The following FCSK variants were observed in gnomAD, a reference collection of about 807,000 sequenced individuals.
FCSK encodes fucose kinase, also known as L-fucose kinase.
Under a neutral mutation model 122.5 loss-of-function variants are expected in FCSK, and 123 were observed. That is an observed-to-expected ratio of 1.00 (90% CI 0.87 to 1.17). The LOEUF is 1.17. Among genes scored for constraint, FCSK ranks in the 50% most tolerant of loss-of-function variants. The pLI is 0.00. For missense variants in FCSK, 1,366 were observed against 1,450.4 expected, an observed-to-expected ratio of 0.94 and a Z score of 0.95; for synonymous variants, 620 against 625.5, an observed-to-expected ratio of 0.99 and a Z score of 0.13.
At position 70,480,216 on chromosome 16, in the gene FCSK, C is replaced by T. The variant is rs2048951805; in HGVS notation, c.*536C>T. On this transcript the variant is annotated 3_prime_UTR_variant, in exon 24 of 24. Transcript: ENST00000288078. ...CGGAGCGTGCCAAGTGACCTGGTGC[C>T]TGTGGGAAGTGGGTTCTCAGGACTG... 6.5e-6 allele frequency: 1 copy of T among 153,628 alleles called. No individual in the cohort carries two copies. 9.5% of individuals were successfully genotyped at this position (153,628 alleles called of 1,614,324 possible).
intron 5 of FCSK, chr16:70,466,493 G>T: frequency 1.9e-6 from 1 of 522,720 alleles, no homozygotes; most frequent in South Asian, 2.5e-5. Context: ...AAGAGTTCAT[G>T]ACCAGCCTGG....
intron 1 of FCSK, among the ~76,000 whole-genome samples, chr16:70,460,072 T>C (rs2048214781): frequency 6.6e-6 from 1 of 151,412 alleles, no homozygotes; most frequent in South Asian, 2.1e-4. Flanking sequence ...GTGCTCGGAT[T>C]ATAGGCGTGA....
At chr16:70,475,556 C>T in intron 19 of FCSK, 63 bp downstream of exon 19, 5 of 1,588,726 alleles carry the variant, frequency 3.1e-6, no homozygotes, top group East Asian at 2.2e-5. Flanking sequence ...TGCCTGTGAT[C>T]CCCCTTCCTG....
intron 5 of FCSK, 116 bp downstream of exon 5, chr16:70,466,373 T>A: frequency 7.6e-7 from 1 of 1,319,226 alleles, no homozygotes; most frequent in Non-Finnish European, 1.0e-6. Context: ...GTTTTGAGGG[T>A]GCCTAATGTT....
rs771003295 is a variant in FCSK, at chr16:70,479,607, T to C, written c.3182T>C (p.Val1061Ala). ...EGLGNYSIHL[V>A]EVDTQGLSLK... ...CTTGGGAATTACAGCATCCACCTGG[T>C]TGAAGTGGACACTCAGGGCCTGAGC... Residue 1061 changes from valine to alanine, a missense_variant, in exon 24 of 24, where the codon GTT (valine) becomes GCT (alanine). Val to Ala is a moderately conservative substitution (Grantham distance 64). Coordinates refer to ENST00000288078, the MANE Select transcript of FCSK (RefSeq NM_145059.3). 17 of 1,613,950 alleles carry C rather than the reference T, an allele frequency of 1.1e-5. No individual in the cohort carries two copies. The East Asian group carries it at 1.3e-4, about 13-fold the overall frequency.
At chr16:70,456,896 T>C (rs2048108147) in intron 1 of FCSK, among the ~76,000 whole-genome samples, 1 of 152,068 alleles carries the variant, frequency 6.6e-6, no homozygotes, top group African/African-American at 2.4e-5. Flanking sequence ...GGTGCGCGCC[T>C]GTAGTCCCAG....
intron 8 of FCSK, 66 bp downstream of exon 8, chr16:70,468,032 C>G (rs1166396140): frequency 2.5e-6 from 3 of 1,214,228 alleles, no homozygotes; most frequent in Non-Finnish European, 2.4e-6. Context: ...GAGGGTCTGA[C>G]TTCCTTCGAT....
chr16:70,475,712 G>A lies in FCSK; in HGVS notation c.2586G>A (p.Val862=), dbSNP rs376808832. 6.2e-7 allele frequency: 1 copy of A among 1,602,532 alleles called. No individual in the cohort carries two copies. The highest frequency in any genetic ancestry group is 2.2e-5 in the East Asian group (1 of 44,502). Reference sequence around the variant, plus strand: ...TGCAGCGAGCCGCAGGCCGGGTGGTGGGCACGGAAGCCCTGATCCACGCAG... The same window carrying A: ...TGCAGCGAGCCGCAGGCCGGGTGGTAGGCACGGAAGCCCTGATCCACGCAG... ...AALQRAAGRV[V]GTEALIHAVL... Residue 862 remains valine, a synonymous_variant, in exon 20 of 24, where the codon GTG becomes GTA. Transcript: ENST00000288078.
At chr16:70,469,091 T>TCAGAAC in intron 9 of FCSK, 61 bp from the exon 10 acceptor site, 1 of 1,607,952 alleles carries the variant, frequency 6.2e-7, no homozygotes, top group South Asian at 1.1e-5. Context: ...TGGTTCAGCC[T>TCAGAAC]CAGAACTTGG....
At chr16:70,479,148 C>A in intron 22 of FCSK, 32 bp from the exon 23 acceptor site, 4 of 1,535,256 alleles carry the variant, frequency 2.6e-6, no homozygotes, top group Non-Finnish European at 3.6e-6. Context: ...TATCTTGGCC[C>A]AGGCACGTCA....
Position 70,474,167 on chromosome 16 carries a change from G to A in FCSK, c.1816G>A (p.Ala606Thr). The A allele has an allele frequency of 6.4e-7, 1 of 1,558,568 alleles. No individual in the cohort carries two copies. Among genetic ancestry groups the A allele is most frequent in the Non-Finnish European group, 8.7e-7 (1 of 1,151,706 alleles). The change falls in exon 16 of 24, where the codon GCA (alanine) becomes ACA (threonine). Residue 606 changes from alanine (A) to threonine (T), a missense_variant. Ala to Thr is a moderately conservative substitution (Grantham distance 58). Coordinates refer to ENST00000288078, the MANE Select transcript of FCSK (RefSeq NM_145059.3). The stretch of plus-strand genomic sequence containing the variant: ...AGGAGACCCTGGTGTGGCGGCACGG[G>A]CACTGGCCTGTGTGGCGGACGTCCT... ...GAGDPGVAAR[A>T]LACVADVLGC...
chr16:70,474,118 T>C lies in FCSK; in HGVS notation c.1778-11T>C. ...CTCCTCCCCTGCCACCCCCAACTCC[T>C]TGTCCCTCAGTTGCAGCTGGGGCAG... On this transcript the variant is annotated splice_polypyrimidine_tract_variant and intron_variant, in intron 15 of 23. Transcript: ENST00000288078. 1 of 1,548,922 alleles carries C rather than the reference T, an allele frequency of 6.5e-7. No individual in the cohort carries two copies. The highest frequency in any genetic ancestry group is 1.2e-5 in the South Asian group (1 of 84,010).
At chr16:70,470,204 T>G in intron 10 of FCSK, 110 bp from the exon 11 acceptor site, 1 of 719,562 alleles carries the variant, frequency 1.4e-6, no homozygotes, top group South Asian at 1.7e-5. Context: ...CAGCTTCCCC[T>G]AACAGGCTCA....
chr16:70,457,248 C>T (rs899376701), intron 1 of FCSK, among the ~76,000 whole-genome samples: 1 of 151,974 alleles, frequency 6.6e-6, no homozygotes, highest in Admixed American at 6.6e-5. Flanking sequence ...GGCCATTGGA[C>T]TCTCTGGGGC....
chr16:70,475,270 G>C, intron 18 of FCSK, 80 bp from the exon 19 acceptor site: 1 of 1,539,670 alleles, frequency 6.5e-7, no homozygotes, highest in Non-Finnish European at 8.8e-7. Context: ...TCCCGCACTG[G>C]GCTGGGAAGT....
rs768443809 is a variant in FCSK at position 70,472,618 on chromosome 16, C to A, written c.1406+13C>A. On this transcript the variant is annotated intron_variant, in intron 14 of 23. Transcript: ENST00000288078. ...GGACAGGTGTTCGGTAAGGTGGACA[C>A]CCCTAGGGCCTCTGTGGGCCTGGGC... 1.2e-6 allele frequency: 2 copies of A among 1,606,042 alleles called. No homozygotes were observed. Among genetic ancestry groups the A allele is most frequent in the Non-Finnish European group, 1.7e-6 (2 of 1,174,370 alleles).
rs900003508 is a variant in FCSK at position 70,467,459 on chromosome 16, A to T, written c.570A>T (p.Leu190=). Residue 190 remains leucine (L), a synonymous_variant, in exon 7 of 24, where the codon CTA becomes CTT. Coordinates refer to ENST00000288078, the MANE Select transcript of FCSK (RefSeq NM_145059.3). ...PAYAQNHGVY[L]TDPQGLVLDI... ...ACGCTCAGAATCATGGCGTCTACCT[A>T]ACTGACCCCCAGGTAGTGCCCCTGG... is the stretch of plus-strand genomic sequence containing the variant. 1 of 1,602,686 alleles carries T rather than the reference A, an allele frequency of 6.2e-7. No individual in the cohort carries two copies. The highest frequency in any genetic ancestry group is 1.7e-5 in the Admixed American group (1 of 58,592).
intron 1 of FCSK, among the ~76,000 whole-genome samples, chr16:70,461,157 C>T (rs1444630651): frequency 1.3e-5 from 2 of 152,190 alleles, no homozygotes; most frequent in Non-Finnish European, 2.9e-5. Context: ...CAGAGCCTGG[C>T]ACTGGAATAG....
In FCSK at chr16:70,468,926, C is replaced by T. The variant is rs772314282; in HGVS notation, c.741C>T (p.Ala247=). ...LATHVSPPLD[A]CTYLGLDSGA... The stretch of plus-strand genomic sequence containing the variant: ...CCCACGTGAGCCCGCCCCTGGATGC[C>T]TGCACCTACCTAGGCTTGGACTCCG... Residue 247 remains alanine (A), a synonymous_variant, in exon 9 of 24, where the codon GCC becomes GCT. Transcript: ENST00000288078. 1.9e-6 allele frequency: 3 copies of T among 1,613,954 alleles called. No individual in the cohort carries two copies. In the South Asian group the frequency reaches 3.3e-5, roughly 18 times the overall value.
Sources: gnomAD v4.1 joint callset for allele counts (sites outside exome capture counted in the v4.1 genomes callset) on GRCh38, gnomAD v4.1.1 for gene constraint, MANE v1.5 for transcripts, NCBI Gene and HGNC (gene_info 2026-07-23, HGNC 2026-07-21) for gene names.